Variants in THRB observed in about 807,000 individuals in gnomAD.
THRB encodes the protein nuclear receptor subfamily 1 group A member 2.
Under a neutral mutation model 47.8 loss-of-function variants are expected in THRB, and 12 were observed. That is an observed-to-expected ratio of 0.25 (90% CI 0.16 to 0.41). The LOEUF (loss-of-function observed/expected upper bound fraction) is 0.41, where lower values mean the gene tolerates loss of function less well. Ranked by LOEUF, THRB falls within the 10% of genes least tolerant of loss-of-function variation. THRB has a pLI of 1.00. For synonymous variants in THRB, 218 were observed against 212.2 expected, an observed-to-expected ratio of 1.03 and a Z score of -0.24; for missense variants, 348 against 589.2, an observed-to-expected ratio of 0.59 and a Z score of 4.24.
chr3:24,178,603 A>C (rs2041479510), intron 5 of THRB, among the ~76,000 whole-genome samples: 1 of 152,192 alleles, frequency 6.6e-6, no homozygotes, highest in South Asian at 2.1e-4. Flanking sequence ...CGACAAAGAA[A>C]AACTGTGAAA....
Position 24,222,024 on chromosome 3 carries a change from C to T in THRB, c.22+6914G>A, listed in dbSNP as rs527502197. On this transcript the variant is annotated intron_variant, in intron 4 of 10. Coordinates refer to ENST00000646209, the MANE Select transcript of THRB (RefSeq NM_001354712.2). Reference sequence around the variant, plus strand: ...CCAGTCATACCACATGAAGAGTTACCGTTCTTTGTTTCATGAGGAAAAAAG... The same window carrying T: ...CCAGTCATACCACATGAAGAGTTACTGTTCTTTGTTTCATGAGGAAAAAAG... Among the ~76,000 whole-genome samples, 375 of 152,214 alleles carry T rather than the reference C, an allele frequency of 2.5e-3. 1 individual carries two copies. Among genetic ancestry groups the T allele is most frequent in the African/African-American group, 8.2e-3 (340 of 41,532 alleles).
chr3:24,371,138 G>A (rs1161314771), intron 1 of THRB, among the ~76,000 whole-genome samples: 1 of 152,070 alleles, frequency 6.6e-6, no homozygotes, highest in African/African-American at 2.4e-5. Flanking sequence ...GTATATTTCT[G>A]AGCAATAGAG....
intron 1 of THRB, among the ~76,000 whole-genome samples, chr3:24,445,064 A>C (rs1302539139): frequency 6.6e-6 from 1 of 152,124 alleles, no homozygotes; most frequent in Non-Finnish European, 1.5e-5. Flanking sequence ...CTGCTACAAT[A>C]ATTAATAGAT....
At chr3:24,461,584 G>A (rs1373445809) in intron 1 of THRB, among the ~76,000 whole-genome samples, 2 of 152,146 alleles carry the variant, frequency 1.3e-5, no homozygotes, top group African/African-American at 4.8e-5. Flanking sequence ...ATCCATCGTT[G>A]ACCAAGTCAA....
At chr3:24,284,766 G>A (rs1270045792) in intron 3 of THRB, among the ~76,000 whole-genome samples, 1 of 149,960 alleles carries the variant, frequency 6.7e-6, no homozygotes, top group East Asian at 1.9e-4. Flanking sequence ...CAAAAAGTGG[G>A]CAGAGGACAT....
intron 5 of THRB, among the ~76,000 whole-genome samples, chr3:24,153,742 C>T (rs552068050): frequency 6.6e-6 from 1 of 152,244 alleles, no homozygotes; most frequent in African/African-American, 2.4e-5. Flanking sequence ...TATAGAATCA[C>T]ACAGCTTCAC....
chr3:24,277,600 C>A (rs2054064242), intron 3 of THRB, among the ~76,000 whole-genome samples: 1 of 152,000 alleles, frequency 6.6e-6, no homozygotes, highest in East Asian at 1.9e-4. Flanking sequence ...AATCTAAAAT[C>A]TATGATTTAT....
At chr3:24,475,453 ATTGT>A (rs1446621168) in intron 1 of THRB, among the ~76,000 whole-genome samples, 3 of 152,084 alleles carry the variant, frequency 2.0e-5, no homozygotes, top group African/African-American at 4.8e-5. Flanking sequence ...CAATGTTAGA[ATTGT>A]TTTTCTGTAT....
At chr3:24,385,034 G>A (rs1232587886) in intron 1 of THRB, among the ~76,000 whole-genome samples, 1 of 152,058 alleles carries the variant, frequency 6.6e-6, no homozygotes, top group Admixed American at 6.6e-5. Flanking sequence ...ATGGTTTTCT[G>A]AGAAAGAAGG....
At chr3:24,490,894 A>C (rs964285417) in intron 1 of THRB, among the ~76,000 whole-genome samples, 4 of 152,206 alleles carry the variant, frequency 2.6e-5, no homozygotes, top group Admixed American at 2.6e-4. Flanking sequence ...GTTACTTTTC[A>C]TTATTATGTC....
intron 1 of THRB, 47 bp from the exon 2 acceptor site, chr3:24,337,418 A>G (rs972844234): frequency 3.3e-5 from 5 of 152,246 alleles, no homozygotes; most frequent in African/African-American, 1.2e-4. Context: ...GTTGTTTTAA[A>G]GTTTCCCAAC....
At chr3:24,443,686 T>C (rs901206710) in intron 1 of THRB, among the ~76,000 whole-genome samples, 2 of 152,190 alleles carry the variant, frequency 1.3e-5, no homozygotes, top group African/African-American at 2.4e-5. Flanking sequence ...ACCATTTTAA[T>C]AGATCAAAGG....
intron 1 of THRB, among the ~76,000 whole-genome samples, chr3:24,342,135 G>A (rs2062697103): frequency 7.4e-6 from 1 of 134,570 alleles, no homozygotes; most frequent in East Asian, 2.2e-4. Flanking sequence ...CTGATAGAGG[G>A]CTTATCCCTG....
intron 3 of THRB, among the ~76,000 whole-genome samples, chr3:24,261,506 A>AAC (rs1016136837): frequency 6.6e-6 from 1 of 150,958 alleles, no homozygotes; most frequent in African/African-American, 2.4e-5. Context: ...TCAAAAAAAA[A>AAC]AAAAAAAAAA....
At position 24,160,887 on chromosome 3, in the gene THRB, G is replaced by A. The variant is rs546224349; in HGVS notation, c.284-8397C>T. Among the ~76,000 whole-genome samples, 7 of 152,328 alleles carry A rather than the reference G, an allele frequency of 4.6e-5. No individual in the cohort carries two copies. In the South Asian group the frequency reaches 8.3e-4, roughly 18 times the overall value. On this transcript the variant is annotated intron_variant, in intron 5 of 10. Coordinates refer to ENST00000646209, the MANE Select transcript of THRB (RefSeq NM_001354712.2). The stretch of plus-strand genomic sequence containing the variant: ...CCATTCCTCTGTAAGCCTGCCAGGC[G>A]TCTGAATCCATTTGCTCATAATGCT...
chr3:24,127,587 G>A lies in THRB; in HGVS notation c.1056C>T (p.Ala352=), dbSNP rs771408928. ...KNGGLGVVSD[A]IFDLGMSLSS... ...ACAGAGACATGCCCAGGTCAAAGAT[G>A]GCGTCTGACACCACCCCAAGACCCC... Residue 352 remains alanine, a synonymous_variant, in exon 10 of 11, where the codon GCC becomes GCT. Coordinates refer to ENST00000646209, the MANE Select transcript of THRB (RefSeq NM_001354712.2). The A allele has an allele frequency of 2.5e-6, 4 of 1,614,176 alleles. No homozygotes were observed. In the South Asian group the frequency reaches 3.3e-5, roughly 13 times the overall value.
intron 10 of THRB, among the ~76,000 whole-genome samples, chr3:24,124,491 G>A (rs2032341634): frequency 6.6e-6 from 1 of 152,124 alleles, no homozygotes; most frequent in South Asian, 2.1e-4. Context: ...TGTGGGTTTT[G>A]TGGCATCAAA....
At chr3:24,285,000 C>T (rs1386291832) in intron 3 of THRB, among the ~76,000 whole-genome samples, 1 of 152,054 alleles carries the variant, frequency 6.6e-6, no homozygotes, top group Non-Finnish European at 1.5e-5. Flanking sequence ...TAAACTAGTT[C>T]AACCATTGTG....
intron 2 of THRB, among the ~76,000 whole-genome samples, chr3:24,323,429 A>ACTTGTTG (rs1412991618): frequency 2.0e-5 from 3 of 152,162 alleles, no homozygotes; most frequent in Non-Finnish European, 4.4e-5. Context: ...TTGCATGTTG[A>ACTTGTTG]CTTGTTGACT....
Sources: allele counts gnomAD v4.1 joint callset (sites outside exome capture counted in the v4.1 genomes callset), GRCh38; gene constraint gnomAD v4.1.1; transcripts MANE v1.5; gene names NCBI Gene and HGNC (gene_info 2026-07-23, HGNC 2026-07-21).